NXPE1: variants seen among roughly 807,000 people sequenced by gnomAD.
NXPE1 encodes neurexophilin and PC-esterase domain family member 1.
Under a neutral mutation model 33.3 loss-of-function variants are expected in NXPE1, and 31 were observed. The observed-to-expected ratio is 0.93, with a 90% confidence interval of 0.70 to 1.26. The LOEUF is 1.26. Ranked by LOEUF, NXPE1 falls within the 50% of genes most tolerant of loss-of-function variation. NXPE1 has a pLI of 0.00. For synonymous variants in NXPE1, 229 were observed against 231.4 expected (o/e 0.99, Z 0.09); for missense variants, 661 against 655.6 (o/e 1.01, Z -0.09).
chr11:114,530,022 G>C, intron 6 of NXPE1, 153 bp downstream of exon 6: 1 of 718,428 alleles, frequency 1.4e-6, no homozygotes, highest in East Asian at 2.6e-5. Context: ...CTTTGGCCTA[G>C]AGTGGTGAGT....
chr11:114,523,156 G>A, intron 7 of NXPE1, 65 bp from the exon 8 acceptor site: 1 of 1,187,286 alleles, frequency 8.4e-7, no homozygotes, highest in Non-Finnish European at 1.2e-6. Context: ...CTTCTTTCCT[G>A]GTCTTTCATT....
intron 6 of NXPE1, chr11:114,529,161 T>C (rs1188879631): frequency 4.7e-6 from 1 of 214,578 alleles, no homozygotes; most frequent in Non-Finnish European, 9.1e-6. Flanking sequence ...AACCTAGCAT[T>C]CTACTCTGTC....
intron 5 of NXPE1, among the ~76,000 whole-genome samples, chr11:114,548,563 C>T (rs563169021): frequency 6.6e-6 from 1 of 151,932 alleles, no homozygotes; most frequent in African/African-American, 2.4e-5. Flanking sequence ...CTAAACAACT[C>T]GTGACTCAAA....
At chr11:114,544,662 T>A (rs1342022413) in intron 5 of NXPE1, among the ~76,000 whole-genome samples, 1 of 152,138 alleles carries the variant, frequency 6.6e-6, no homozygotes, top group Admixed American at 6.5e-5. Context: ...ACTTGAGCTG[T>A]TGATGAGGTT....
chr11:114,532,058 C>G (rs905564043), intron 5 of NXPE1, among the ~76,000 whole-genome samples: 2 of 152,098 alleles, frequency 1.3e-5, no homozygotes, highest in Non-Finnish European at 2.9e-5. Flanking sequence ...GATTACAGAC[C>G]AGTAGTTGTC....
intron 7 of NXPE1, 34 bp downstream of exon 7, chr11:114,527,806 G>C: frequency 6.6e-7 from 1 of 1,506,638 alleles, no homozygotes; most frequent in Non-Finnish European, 9.0e-7. Context: ...AGTTTCCTCT[G>C]AGCATCACCT....
intron 5 of NXPE1, among the ~76,000 whole-genome samples, chr11:114,545,303 G>A (rs991757522): frequency 2.0e-5 from 3 of 152,166 alleles, no homozygotes; most frequent in Non-Finnish European, 4.4e-5. Flanking sequence ...GCCCAAAACT[G>A]GAAGCAACCA....
chr11:114,524,124 C>T (rs1208385578), intron 7 of NXPE1, among the ~76,000 whole-genome samples: 3 of 152,064 alleles, frequency 2.0e-5, no homozygotes, highest in East Asian at 1.9e-4. Flanking sequence ...ATCTAAAGTT[C>T]GGCTAGTAGT....
intron 1 of NXPE1, among the ~76,000 whole-genome samples, chr11:114,558,234 A>G (rs115021899): frequency 0.014 from 2,062 of 152,274 alleles, 38 homozygotes; most frequent in African/African-American, 0.046. Context: ...ATCCATATAT[A>G]TGCACATTCT....
intron 1 of NXPE1, among the ~76,000 whole-genome samples, chr11:114,556,140 A>G (rs1948642379): frequency 6.6e-6 from 1 of 152,234 alleles, no homozygotes; most frequent in Non-Finnish European, 1.5e-5. Flanking sequence ...GAATTGCTCT[A>G]GTAACAATAT....
At position 114,527,871 on chromosome 11, in the gene NXPE1, A is replaced by T. The variant is rs1166368143; in HGVS notation, c.864T>A (p.Asp288Glu). The change falls in exon 7 of 9, where the codon GAT (aspartate) becomes GAA (glutamate). Residue 288 changes from aspartate to glutamate, a missense_variant. Transcript: ENST00000534921. Reference sequence around the variant, plus strand: ...AATTAGTGACATCAATGTGTTTACGATCCTTCATCATTTCAACTCCCACTT... The same window carrying T: ...AATTAGTGACATCAATGTGTTTACGTTCCTTCATCATTTCAACTCCCACTT... The T allele has an allele frequency of 1.2e-6, 2 of 1,606,954 alleles. No homozygotes were observed. The highest frequency in any genetic ancestry group is 3.4e-5 in the Admixed American group (2 of 59,188).
intron 2 of NXPE1, among the ~76,000 whole-genome samples, chr11:114,552,447 A>T (rs1319786522): frequency 6.6e-6 from 1 of 152,188 alleles, no homozygotes; most frequent in South Asian, 2.1e-4. Flanking sequence ...AGTGTCTAGC[A>T]TGGTGCCTGA....
chr11:114,526,533 T>G (rs1002439433), intron 7 of NXPE1: 1 of 121,644 alleles, frequency 8.2e-6, no homozygotes, highest in Non-Finnish European at 1.8e-5. Flanking sequence ...TCAGTTGGTT[T>G]CTGTGGCTTT....
At chr11:114,529,158 C>A in intron 6 of NXPE1, 1 of 219,322 alleles carries the variant, frequency 4.6e-6, no homozygotes, top group Non-Finnish European at 8.9e-6. Flanking sequence ...GTGAACCTAG[C>A]ATTCTACTCT....
intron 5 of NXPE1, among the ~76,000 whole-genome samples, chr11:114,539,388 C>A (rs1039868865): frequency 1.3e-5 from 2 of 151,986 alleles, no homozygotes; most frequent in East Asian, 1.9e-4. Flanking sequence ...ACATATGTAA[C>A]AAACCTGCAC....
intron 1 of NXPE1, among the ~76,000 whole-genome samples, chr11:114,558,630 G>A (rs541649906): frequency 3.1e-4 from 47 of 152,202 alleles, no homozygotes; most frequent in South Asian, 1.7e-3. Context: ...TATTACATTC[G>A]TATATTTTCT....
intron 1 of NXPE1, among the ~76,000 whole-genome samples, chr11:114,555,194 T>C (rs1948620025): frequency 6.6e-6 from 1 of 152,158 alleles, no homozygotes; most frequent in African/African-American, 2.4e-5. Flanking sequence ...TTTTACAGCA[T>C]TACTGAGGTA....
At chr11:114,547,373 C>T (rs1242024685) in intron 5 of NXPE1, among the ~76,000 whole-genome samples, 4 of 152,128 alleles carry the variant, frequency 2.6e-5, no homozygotes, top group African/African-American at 9.7e-5. Flanking sequence ...TACAAAATAC[C>T]AGACCACTGT....
chr11:114,519,077 G>A (rs780591025), downstream of NXPE1, among the ~76,000 whole-genome samples: 28 of 152,004 alleles, frequency 1.8e-4, no homozygotes, highest in Non-Finnish European at 3.2e-4. Context: ...GAATGTCTAG[G>A]CATAATGTGA....
Sources: gnomAD v4.1 joint callset for allele counts (sites outside exome capture counted in the v4.1 genomes callset) on GRCh38, gnomAD v4.1.1 for gene constraint, MANE v1.5 for transcripts, NCBI Gene and HGNC (gene_info 2026-07-23, HGNC 2026-07-21) for gene names.